SPATA13: variants seen among roughly 807,000 people sequenced by gnomAD.
SPATA13 encodes the protein spermatogenesis associated 13.
In SPATA13, 50 loss-of-function variants were observed where a neutral mutation model predicts 104.0. The observed-to-expected ratio is 0.48, with a 90% confidence interval of 0.38 to 0.61. The LOEUF (loss-of-function observed/expected upper bound fraction) is 0.61. SPATA13 is among the 20% of genes least tolerant of loss of function. SPATA13 has a pLI of 0.00. For missense variants in SPATA13, 1,524 were observed against 1,690.6 expected (o/e 0.90, Z 1.73); for synonymous variants, 606 against 667.5 (o/e 0.91, Z 1.42).
In SPATA13 at chr13:24,223,547, C is replaced by T. The variant is rs1211227931; in HGVS notation, c.618C>T (p.Ala206=). The T allele has an allele frequency of 6.5e-7, 1 of 1,549,444 alleles. No individual in the cohort carries two copies. The highest frequency in any genetic ancestry group is 2.0e-5 in the Admixed American group (1 of 51,012). The change falls in exon 2 of 13, where the codon GCC becomes GCT. Residue 206 remains alanine (A), a synonymous_variant. Coordinates refer to ENST00000382108, the MANE Select transcript of SPATA13 (RefSeq NM_001166271.3). ...STHRSRSLRR[A]YGLGRICLLD... ...ACCGCTCCCGCAGCCTCCGCAGAGCCTACGGCCTGGGCCGCATCTGCCTGC... is the reference window on the plus strand; with the variant it reads ...ACCGCTCCCGCAGCCTCCGCAGAGCTTACGGCCTGGGCCGCATCTGCCTGC...
Position 24,161,092 on chromosome 13 carries a change from C to A in SPATA13, c.-112+160C>A, listed in dbSNP as rs908730349. On this transcript the variant is annotated intron_variant, in intron 1 of 12. Coordinates refer to ENST00000382108, the MANE Select transcript of SPATA13 (RefSeq NM_001166271.3). The surrounding 1 kb of genome is among the most constrained non-coding windows in gnomAD (Gnocchi z 4.5). The stretch of plus-strand genomic sequence containing the variant: ...TGCTTCCCCCGCCGGTGGAGGCTAC[C>A]GGGTGCTCACCTGTTAGGTCCGTGC... 6.6e-6 allele frequency among the ~76,000 whole-genome samples: 1 copy of A among 152,214 alleles called. No individual in the cohort carries two copies. The highest frequency in any genetic ancestry group is 1.9e-4 in the East Asian group (1 of 5,186).
At chr13:24,139,281 C>T (rs1881675330) in intron 3 of SPATA13, among the ~76,000 whole-genome samples, 1 of 152,178 alleles carries the variant, frequency 6.6e-6, no homozygotes, top group Non-Finnish European at 1.5e-5. Context: ...AGTATGACCC[C>T]TCTTAACTGG....
At chr13:24,251,545 G>A (rs921110828) in intron 3 of SPATA13, 173 bp from the exon 4 acceptor site, 5 of 1,461,762 alleles carry the variant, frequency 3.4e-6, no homozygotes, top group Non-Finnish European at 4.5e-6. Flanking sequence ...GTTAAAAACT[G>A]TAGCATCATG....
intron 11 of SPATA13, 60 bp downstream of exon 11, chr13:24,297,795 T>C: frequency 1.3e-6 from 2 of 1,546,354 alleles, no homozygotes; most frequent in Non-Finnish European, 1.7e-6. Context: ...AGCTTCATTC[T>C]CCACTCCCAT....
chr13:24,290,716 C>G lies in SPATA13; in HGVS notation c.2912C>G (p.Ala971Gly). 1 of 1,614,230 alleles carries G rather than the reference C, an allele frequency of 6.2e-7. No individual in the cohort carries two copies. The highest frequency in any genetic ancestry group is 8.5e-7 in the Non-Finnish European group (1 of 1,180,050). ...NNHPGACLEL[A>G]NLMKQGKYRH... is the part of the protein sequence containing the mutation. Reference sequence around the variant, plus strand: ...CACCCGGGCGCCTGCCTGGAGCTCGCCAACCTCATGAAGCAGGGCAAGTAC... The same window carrying G: ...CACCCGGGCGCCTGCCTGGAGCTCGGCAACCTCATGAAGCAGGGCAAGTAC... Residue 971 changes from alanine to glycine, a missense_variant, in exon 9 of 13, where the codon GCC (alanine) becomes GGC (glycine). This residue lies in a region of SPATA13 where 435 missense variants were observed against 554.8 expected (regional missense o/e 0.78). Coordinates refer to ENST00000382108, the MANE Select transcript of SPATA13 (RefSeq NM_001166271.3).
At chr13:24,214,061 A>G (rs1254311572) in intron 1 of SPATA13, among the ~76,000 whole-genome samples, 1 of 152,248 alleles carries the variant, frequency 6.6e-6, no homozygotes, top group African/African-American at 2.4e-5. Context: ...CCAGATCCGC[A>G]TTCAGGTGAT....
At chr13:24,191,579 G>C (rs143449576) in intron 1 of SPATA13, among the ~76,000 whole-genome samples, 3 of 129,896 alleles carry the variant, frequency 2.3e-5, no homozygotes, top group Admixed American at 9.8e-5. Flanking sequence ...GCGTGATCTT[G>C]GCTCACTGCA....
chr13:24,182,597 C>A (rs555181163), intron 1 of SPATA13, among the ~76,000 whole-genome samples: 1 of 152,198 alleles, frequency 6.6e-6, no homozygotes, highest in South Asian at 2.1e-4. Context: ...GTGAGGGCAC[C>A]AGGCCAGTCC....
chr13:24,133,097 T>C (rs1881440091), intron 3 of SPATA13, among the ~76,000 whole-genome samples: 1 of 152,148 alleles, frequency 6.6e-6, no homozygotes, highest in Admixed American at 6.6e-5. Flanking sequence ...TTCCCACGTA[T>C]TTCCAGCGGG....
chr13:24,187,911 A>C (rs1869254443), intron 1 of SPATA13, among the ~76,000 whole-genome samples: 1 of 152,208 alleles, frequency 6.6e-6, no homozygotes, highest in Non-Finnish European at 1.5e-5. Flanking sequence ...TCTCTATTTT[A>C]AATCCAAAGC....
chr13:23,994,751 G>T (rs1875596861), intron 2 of SPATA13, among the ~76,000 whole-genome samples: 4 of 152,114 alleles, frequency 2.6e-5, no homozygotes, highest in African/African-American at 9.7e-5. Flanking sequence ...ACTCAGTTTT[G>T]GAAACAGAAG....
chr13:24,040,950 C>G (rs754579238), intron 3 of SPATA13, among the ~76,000 whole-genome samples: 23 of 152,124 alleles, frequency 1.5e-4, no homozygotes, highest in Non-Finnish European at 1.5e-4. Flanking sequence ...GGGGGAGACT[C>G]GGAGACTCAG....
intron 11 of SPATA13, among the ~76,000 whole-genome samples, chr13:24,298,905 T>C (rs555206612): frequency 6.6e-6 from 1 of 152,250 alleles, no homozygotes; most frequent in South Asian, 2.1e-4. Context: ...TGGCCTGGAC[T>C]TGGGCCACTC....
chr13:24,019,097 T>TA (rs1876848674), intron 3 of SPATA13, among the ~76,000 whole-genome samples: 2 of 149,422 alleles, frequency 1.3e-5, no homozygotes, highest in African/African-American at 4.9e-5. Flanking sequence ...ATTATTATTT[T>TA]TTTTTTTTTG....
intron 1 of SPATA13, among the ~76,000 whole-genome samples, chr13:24,216,733 C>A (rs1463945187): frequency 6.6e-6 from 1 of 152,146 alleles, no homozygotes; most frequent in Non-Finnish European, 1.5e-5. Flanking sequence ...AAATTAGGAC[C>A]TTGGATGCTT....
chr13:24,256,774 TG>T (rs1447452057), intron 4 of SPATA13, among the ~76,000 whole-genome samples: 2 of 152,228 alleles, frequency 1.3e-5, no homozygotes, highest in African/African-American at 4.8e-5. Flanking sequence ...TGTAGGCTAC[TG>T]GGTGTGTTAT....
intron 3 of SPATA13, among the ~76,000 whole-genome samples, chr13:24,094,124 G>A (rs1196604114): frequency 6.6e-6 from 1 of 152,176 alleles, no homozygotes; most frequent in South Asian, 2.1e-4. Flanking sequence ...GCATGAACAG[G>A]TTTGTGGGGG....
chr13:23,986,627 C>T (rs574103061), intron 2 of SPATA13, among the ~76,000 whole-genome samples: 1 of 152,280 alleles, frequency 6.6e-6, no homozygotes, highest in Admixed American at 6.5e-5. Flanking sequence ...GAAAGTCTGC[C>T]TGGGAAAATG....
intron 12 of SPATA13, 41 bp from the exon 13 acceptor site, chr13:24,302,557 A>C (rs2138782384): frequency 7.2e-7 from 1 of 1,397,500 alleles, no homozygotes; most frequent in South Asian, 1.6e-5. Flanking sequence ...TTAACAAGCG[A>C]CCCTCAGTCC....
Sources: gnomAD v4.1 joint callset for allele counts (sites outside exome capture counted in the v4.1 genomes callset) on GRCh38, gnomAD v4.1.1 for gene constraint, gnomAD v4.1.1 regional missense constraint, Gnocchi (gnomAD v3.1) non-coding constraint, MANE v1.5 for transcripts, NCBI Gene and HGNC (gene_info 2026-07-23, HGNC 2026-07-21) for gene names.